ADGRG4: variants seen among roughly 807,000 people sequenced by gnomAD.
The protein encoded by ADGRG4 is adhesion G protein-coupled receptor G4.
Under a neutral mutation model 126.2 loss-of-function variants are expected in ADGRG4, and 122 were observed. That is an observed-to-expected ratio of 0.97 (90% CI 0.83 to 1.12). ADGRG4 has a LOEUF of 1.12. Ranked by LOEUF, ADGRG4 falls within the 50% of genes most tolerant of loss-of-function variation. ADGRG4 has a pLI of 0.00. For missense variants in ADGRG4, 2,481 were observed against 2,251.8 expected, an observed-to-expected ratio of 1.10 and a Z score of -2.06; for synonymous variants, 943 against 838.7, an observed-to-expected ratio of 1.12 and a Z score of -2.15.
intron 5 of ADGRG4, among the ~76,000 whole-genome samples, chrX:136,323,609 C>A (rs1041718903): frequency 9.1e-6 from 1 of 109,928 alleles, no homozygotes; most frequent in Non-Finnish European, 1.9e-5. Context: ...CACACACACA[C>A]ACACACCACT....
intron 19 of ADGRG4, among the ~76,000 whole-genome samples, chrX:136,397,334 G>A (rs759859238): frequency 9.0e-6 from 1 of 111,168 alleles, no homozygotes; most frequent in East Asian, 2.8e-4. Context: ...GAAAGCTATG[G>A]ACTTTGTTCT....
intron 3 of ADGRG4, chrX:136,305,871 T>C (rs1265407567): frequency 9.0e-6 from 1 of 111,572 alleles, no homozygotes; most frequent in African/African-American, 3.3e-5. Context: ...AATTAATGGG[T>C]TATTGCAGGG....
Position 136,351,559 on chromosome X carries a change from A to G in ADGRG4, c.6822+18A>G, listed in dbSNP as rs150978520. The G allele has an allele frequency of 0.046, 36,602 of 804,429 alleles. 698 individuals are homozygous for G. Among genetic ancestry groups the G allele is most frequent in the Non-Finnish European group, 0.053 (29,264 of 552,869 alleles). The allele number at this position is 804,429 out of a possible 1,213,427, so 66.3% of individuals were successfully genotyped here. ...AAAATTCGGTAAAATAATCTTTTGC[A>G]TATTTATGGCATATATAAATATATG... On this transcript the variant is annotated intron_variant, in intron 7 of 25. Transcript: ENST00000394143.
At position 136,322,724 on chromosome X, in the gene ADGRG4, T is replaced by C; in HGVS notation, c.71-54T>C. ...TGTATTGCCAAATACAATAAAACAA[T>C]TTTTAACAGAAATTTCATTTGTTTT... On this transcript the variant is annotated intron_variant, in intron 4 of 25. Transcript: ENST00000394143. 3.6e-6 allele frequency: 4 copies of C among 1,098,484 alleles called. No individual in the cohort carries two copies. The South Asian group carries it at 8.7e-5, about 24-fold the overall frequency. The allele number at this position is 1,098,484 out of a possible 1,213,427, so 90.5% of individuals were successfully genotyped here. A position where few individuals can be genotyped will look rare whatever the true frequency, so the allele number is the denominator to read the frequency against.
chrX:136,390,307 C>T (rs780797202), intron 16 of ADGRG4, among the ~76,000 whole-genome samples: 7 of 111,671 alleles, frequency 6.3e-5, no homozygotes, highest in Non-Finnish European at 1.1e-4. Flanking sequence ...CTGTCTCTGC[C>T]TCCCAAAGCG....
chrX:136,393,986 G>A (rs892014063), intron 18 of ADGRG4, among the ~76,000 whole-genome samples: 4 of 111,695 alleles, frequency 3.6e-5, no homozygotes, highest in African/African-American at 1.3e-4. Context: ...GAGTAGCCTT[G>A]AACTGTTTGA....
intron 4 of ADGRG4, among the ~76,000 whole-genome samples, chrX:136,311,305 C>A (rs773341841): frequency 5.5e-5 from 6 of 109,763 alleles, no homozygotes; most frequent in Admixed American, 9.9e-5. Context: ...CTTAATGGTG[C>A]TGGCTATTGG....
intron 12 of ADGRG4, 110 bp downstream of exon 12, chrX:136,361,697 G>T (rs766205150): frequency 4.1e-6 from 2 of 489,595 alleles, no homozygotes; most frequent in East Asian, 8.6e-5. Context: ...TCCACCTCTA[G>T]TGCCAGTCTT....
At chrX:136,308,669 C>T (rs2074748831) in intron 3 of ADGRG4, 100 bp from the exon 4 acceptor site, 3 of 548,963 alleles carry the variant, frequency 5.5e-6, no homozygotes. Context: ...TAGGAAAAAA[C>T]CCTTAGGTGG....
chrX:136,409,048 G>GACACACAC (rs71995144), intron 23 of ADGRG4, among the ~76,000 whole-genome samples: 55 of 90,883 alleles, frequency 6.1e-4, no homozygotes, highest in African/African-American at 2.0e-3. Context: ...TCAAATTCAA[G>GACACACAC]ACACACACAC....
At chrX:136,320,552 A>G (rs1337988480) in intron 4 of ADGRG4, among the ~76,000 whole-genome samples, 1 of 111,843 alleles carries the variant, frequency 8.9e-6, no homozygotes, top group African/African-American at 3.2e-5. Context: ...ATCTTTCTAT[A>G]GTATTGGCCT....
rs1213428215 is a variant in ADGRG4 at position 136,359,363 on chromosome X, G to T, written c.7052G>T (p.Ser2351Ile). The T allele has an allele frequency of 5.0e-6, 6 of 1,206,153 alleles. No individual in the cohort carries two copies. Among genetic ancestry groups the T allele is most frequent in the Non-Finnish European group, 6.7e-6 (6 of 891,038 alleles). ...TCTGAATTGATGAGAAAAATCAAAA[G>T]TAAAATACATGGCAACTTCACACAT... is the stretch of plus-strand genomic sequence containing the variant. ...ASSELMRKIKSKIHGNFTHGN... is the reference protein window; with the variant it reads ...ASSELMRKIKIKIHGNFTHGN... Residue 2351 changes from serine to isoleucine, a missense_variant, in exon 11 of 26, where the codon AGT becomes ATT. Coordinates refer to ENST00000394143, the MANE Select transcript of ADGRG4 (RefSeq NM_153834.4).
In ADGRG4 at chrX:136,304,860, G is replaced by C. The variant is rs915202198; in HGVS notation, c.-173G>C. On this transcript the variant is annotated 5_prime_UTR_variant, in exon 3 of 26. Coordinates refer to ENST00000394143, the MANE Select transcript of ADGRG4 (RefSeq NM_153834.4). ...GGCTCCACATCTTCTTGTAGGCTGTGTGACCCCACGTTGGGGACAGGTCAC... is the reference window on the plus strand; with the variant it reads ...GGCTCCACATCTTCTTGTAGGCTGTCTGACCCCACGTTGGGGACAGGTCAC... The C allele has an allele frequency of 2.7e-5, 3 of 112,367 alleles. No individual in the cohort carries two copies. Among genetic ancestry groups the C allele is most frequent in the Non-Finnish European group, 5.6e-5 (3 of 53,281 alleles). 9.3% of individuals were successfully genotyped at this position (112,367 alleles called of 1,213,427 possible).
chrX:136,319,735 CT>C (rs1169916386), intron 4 of ADGRG4, among the ~76,000 whole-genome samples: 1 of 109,663 alleles, frequency 9.1e-6, no homozygotes, highest in South Asian at 4.0e-4. Flanking sequence ...ATCTATCTAT[CT>C]ATCTATCTAT....
Position 136,403,331 on chromosome X carries a change from C to T in ADGRG4, c.8654+9C>T, listed in dbSNP as rs747014707. On this transcript the variant is annotated intron_variant, in intron 22 of 25. Coordinates refer to ENST00000394143, the MANE Select transcript of ADGRG4 (RefSeq NM_153834.4). ...AGCCCAACAACTCCGTTGTAAGTAC[C>T]AGCATCTCTGTTTCTCTGGTGGTGG... 8.5e-7 allele frequency: 1 copy of T among 1,175,203 alleles called. No homozygotes were observed. Among genetic ancestry groups the T allele is most frequent in the Non-Finnish European group, 1.2e-6 (1 of 862,691 alleles).
intron 5 of ADGRG4, among the ~76,000 whole-genome samples, chrX:136,334,873 T>TA (rs954503191): frequency 6.3e-5 from 7 of 111,837 alleles, no homozygotes; most frequent in East Asian, 2.8e-4. Context: ...TGCAATGCCT[T>TA]AAAAAATTTT....
chrX:136,362,156 T>C (rs1603296802), intron 12 of ADGRG4, among the ~76,000 whole-genome samples: 1 of 112,012 alleles, frequency 8.9e-6, no homozygotes, highest in African/African-American at 3.2e-5. Context: ...CACTCTCTGC[T>C]GTTCATGGTT....
chrX:136,334,255 A>T (rs1047192407), intron 5 of ADGRG4, among the ~76,000 whole-genome samples: 1 of 110,872 alleles, frequency 9.0e-6, no homozygotes, highest in Non-Finnish European at 1.9e-5. Context: ...AAATCAGTTG[A>T]GCAAATTTTT....
At chrX:136,351,397 A>T in intron 6 of ADGRG4, 50 bp from the exon 7 acceptor site, 1 of 752,554 alleles carries the variant, frequency 1.3e-6, no homozygotes, top group East Asian at 3.5e-5. Flanking sequence ...ACAGAAGTCA[A>T]ATTTCTTGAA....
Sources: gnomAD v4.1 joint callset for allele counts (sites outside exome capture counted in the v4.1 genomes callset) on GRCh38, gnomAD v4.1.1 for gene constraint, MANE v1.5 for transcripts, NCBI Gene and HGNC (gene_info 2026-07-23, HGNC 2026-07-21) for gene names.